AGAP9: variants seen among roughly 807,000 people sequenced by gnomAD.
The protein encoded by AGAP9 is ArfGAP with GTPase domain, ankyrin repeat and PH domain 9.
In AGAP9, 23 loss-of-function variants were observed where a neutral mutation model predicts 55.6. That is an observed-to-expected ratio of 0.41 (90% confidence interval 0.30 to 0.59). AGAP9 has a LOEUF of 0.59. Ranked by LOEUF, AGAP9 falls within the 20% of genes least tolerant of loss-of-function variation. AGAP9 has a pLI of 0.25. For synonymous variants in AGAP9, 120 were observed against 305.0 expected, an observed-to-expected ratio of 0.39 and a Z score of 6.32; for missense variants, 309 against 808.1, an observed-to-expected ratio of 0.38 and a Z score of 7.49.
chr10:47,509,236 T>C (rs1162990849), intron 5 of AGAP9, among the ~76,000 whole-genome samples: 2 of 116,008 alleles, frequency 1.7e-5, no homozygotes, highest in Non-Finnish European at 3.4e-5. Flanking sequence ...CTAGTCAAAG[T>C]AATTTTTGTG....
intron 4 of AGAP9, among the ~76,000 whole-genome samples, chr10:47,511,309 T>C (rs1840619159): frequency 7.0e-6 from 1 of 142,646 alleles, no homozygotes; most frequent in Non-Finnish European, 1.5e-5. Flanking sequence ...GAGCACTTTA[T>C]TGCAGTGAAT....
In AGAP9 at chr10:47,502,522, C is replaced by T; in HGVS notation, c.1607G>A (p.Gly536Asp). The T allele has an allele frequency of 1.2e-6, 2 of 1,613,086 alleles. No individual in the cohort carries two copies. The highest frequency in any genetic ancestry group is 1.1e-5 in the South Asian group (1 of 91,060). ...VELRKVMSSI[G>D]NELANSIWEG... Reference sequence around the variant, plus strand: ...CCAGATGCTGTTGGCTAGCTCATTGCCAATAGATGACATAACCTTCCTGAG... The same window carrying T: ...CCAGATGCTGTTGGCTAGCTCATTGTCAATAGATGACATAACCTTCCTGAG... The change falls in exon 8 of 8, where the codon GGC becomes GAC. Residue 536 changes from glycine (G) to aspartate (D), a missense_variant. Coordinates refer to ENST00000452145, the MANE Select transcript of AGAP9 (RefSeq NM_001190810.1).
chr10:47,503,740 A>G (rs1325591676), intron 7 of AGAP9, among the ~76,000 whole-genome samples, 197 bp from the exon 8 acceptor site: 3 of 131,192 alleles, frequency 2.3e-5, no homozygotes, highest in Non-Finnish European at 3.1e-5. Flanking sequence ...CCTGGCCAAC[A>G]TGGTGAAACC....
intron 2 of AGAP9, among the ~76,000 whole-genome samples, chr10:47,521,181 C>T (rs1318858222): frequency 7.9e-6 from 1 of 127,036 alleles, no homozygotes; most frequent in East Asian, 3.3e-4. Flanking sequence ...GTGAGACATA[C>T]ATAAACTGTG....
At chr10:47,504,846 CTTTTTT>C (rs59529030) in intron 6 of AGAP9, among the ~76,000 whole-genome samples, 2 of 46,840 alleles carry the variant, frequency 4.3e-5, no homozygotes, top group East Asian at 1.1e-3. Context: ...CATAACTGTT[CTTTTTT>C]TTTTTTTTTT....
chr10:47,522,430 T>C (rs1160625505), intron 2 of AGAP9, among the ~76,000 whole-genome samples: 1 of 150,360 alleles, frequency 6.7e-6, no homozygotes, highest in Non-Finnish European at 1.5e-5. Flanking sequence ...ACAACCATTT[T>C]TCTGCAGCCC....
intron 6 of AGAP9, among the ~76,000 whole-genome samples, chr10:47,504,769 G>A (rs1296452909): frequency 7.2e-6 from 1 of 139,772 alleles, no homozygotes; most frequent in African/African-American, 2.7e-5. Flanking sequence ...ATAAACCAGT[G>A]GTTCTCCAAA....
intron 4 of AGAP9, among the ~76,000 whole-genome samples, chr10:47,514,313 C>G (rs1295271706): frequency 6.7e-6 from 1 of 150,148 alleles, no homozygotes; most frequent in East Asian, 2.0e-4. Context: ...TCATGGCATT[C>G]CCAGCAACCT....
rs1840540562 is a variant in AGAP9, at chr10:47,508,945, T to C, written c.497+1226A>G. On this transcript the variant is annotated intron_variant, in intron 5 of 7. Transcript: ENST00000452145. ...CCACTGACAACAGTGCACTACTGAT[T>C]CATGATAAAACATTTTTCAATATAT... Among the ~76,000 whole-genome samples the C allele has an allele frequency of 9.3e-5, 12 of 129,396 alleles. 3 individuals carry two copies. In the South Asian group the frequency reaches 2.8e-3, roughly 30 times the overall value. The allele number at this position is 129,396 out of a possible 152,430, so 84.9% of individuals were successfully genotyped here.
Position 47,502,245 on chromosome 10 carries a change from G to T in AGAP9, c.1884C>A (p.Leu628=), listed in dbSNP as rs1424908160. Residue 628 remains leucine, a synonymous_variant, in exon 8 of 8, where the codon CTC becomes CTA. Coordinates refer to ENST00000452145, the MANE Select transcript of AGAP9 (RefSeq NM_001190810.1). ...CATTCCCCTTGCGGCAGGCCAGATG[G>T]AGTGCCGTGCAGCCGTCTCCCTCCC... is the stretch of plus-strand genomic sequence containing the variant. ...TCGEGDGCTA[L]HLACRKGNVV... 1 of 1,592,272 alleles carries T rather than the reference G, an allele frequency of 6.3e-7. No individual in the cohort carries two copies. The highest frequency in any genetic ancestry group is 1.7e-5 in the Admixed American group (1 of 58,304).
intron 5 of AGAP9, among the ~76,000 whole-genome samples, chr10:47,509,144 C>T (rs1840545745): frequency 7.4e-6 from 1 of 135,298 alleles, no homozygotes; most frequent in Non-Finnish European, 1.5e-5. Context: ...AAATTAGTTT[C>T]AGCAAAATTA....
rs1215347083 is a variant in AGAP9, at chr10:47,502,146, C to T, written c.*6G>A. On this transcript the variant is annotated 3_prime_UTR_variant, in exon 8 of 8. Coordinates refer to ENST00000452145, the MANE Select transcript of AGAP9 (RefSeq NM_001190810.1). ...CACTCCTGGCTGGAGGCCTGCCGGGCGTAGGTCAGCGCTGTGTTCCCGTGG... is the reference window on the plus strand; with the variant it reads ...CACTCCTGGCTGGAGGCCTGCCGGGTGTAGGTCAGCGCTGTGTTCCCGTGG... 7.6e-6 allele frequency: 12 copies of T among 1,569,698 alleles called. 1 individual carries two copies. The highest frequency in any genetic ancestry group is 6.7e-5 in the South Asian group (6 of 89,376).
intron 4 of AGAP9, among the ~76,000 whole-genome samples, chr10:47,516,829 A>G (rs1840726180): frequency 7.7e-6 from 1 of 129,556 alleles, no homozygotes; most frequent in Non-Finnish European, 1.5e-5. Flanking sequence ...AAATGAATAT[A>G]GTCAGAAAAT....
chr10:47,520,972 A>T (rs71247296), intron 2 of AGAP9, among the ~76,000 whole-genome samples: 1,342 of 91,396 alleles, frequency 0.015, no homozygotes, highest in African/African-American at 0.034. Flanking sequence ...AAAATATAAG[A>T]TGTATTCTAG....
At position 47,519,350 on chromosome 10, in the gene AGAP9, C is replaced by T. The variant is rs1455629641; in HGVS notation, c.361+1149G>A. Reference sequence around the variant, plus strand: ...AGGTGTTATGGTGCCCACCTATAGTCCCAACTACTCGGGAGGCTGAGGCAG... The same window carrying T: ...AGGTGTTATGGTGCCCACCTATAGTTCCAACTACTCGGGAGGCTGAGGCAG... On this transcript the variant is annotated intron_variant, in intron 3 of 7. Coordinates refer to ENST00000452145, the MANE Select transcript of AGAP9 (RefSeq NM_001190810.1). 6.1e-5 allele frequency among the ~76,000 whole-genome samples: 7 copies of T among 114,510 alleles called. 3 individuals are homozygous for T. In the East Asian group the frequency reaches 3.3e-3, roughly 54 times the overall value. The allele number at this position is 114,510 out of a possible 152,430, so 75.1% of individuals were successfully genotyped here. A position where few individuals can be genotyped will look rare whatever the true frequency, so the allele number is the denominator to read the frequency against.
In AGAP9 at chr10:47,510,146, C is replaced by T. The variant is rs1325175464; in HGVS notation, c.497+25G>A. On this transcript the variant is annotated intron_variant, in intron 5 of 7. Transcript: ENST00000452145. ...ATAATTTCCGAATAAAGGAATCTGTCCCTCGGCAGCATAGTTGTACTCACG... is the reference window on the plus strand; with the variant it reads ...ATAATTTCCGAATAAAGGAATCTGTTCCTCGGCAGCATAGTTGTACTCACG... 3.4e-5 allele frequency: 40 copies of T among 1,169,282 alleles called. 4 individuals carry two copies. Among genetic ancestry groups the T allele is most frequent in the Non-Finnish European group, 4.7e-5 (40 of 853,624 alleles). 72.4% of individuals were successfully genotyped at this position (1,169,282 alleles called of 1,614,324 possible). A position where few individuals can be genotyped will look rare whatever the true frequency, so the allele number is the denominator to read the frequency against.
At chr10:47,509,047 T>A (rs1380368728) in intron 5 of AGAP9, among the ~76,000 whole-genome samples, 1 of 135,552 alleles carries the variant, frequency 7.4e-6, no homozygotes, top group Non-Finnish European at 1.5e-5. Context: ...AAATGATTAT[T>A]TCTCAAACTT....
chr10:47,504,846 CTTTTTTTTTTTTTTTTTTT>C (rs59529030), intron 6 of AGAP9, among the ~76,000 whole-genome samples: 1 of 46,850 alleles, frequency 2.1e-5, no homozygotes, highest in Admixed American at 2.4e-4. Flanking sequence ...CATAACTGTT[CTTTTTTTTTTTTTTTTTTT>C]TTTTTTTTGA....
Position 47,518,578 on chromosome 10 carries a change from AT to A in AGAP9, c.362-722del, listed in dbSNP as rs1368836264. On this transcript the variant is annotated intron_variant, in intron 3 of 7. Coordinates refer to ENST00000452145, the MANE Select transcript of AGAP9 (RefSeq NM_001190810.1). ...AGGCACGTGCCACCATGCCTAGCTA[AT>A]TTTTTTTTGTATTTTTAGTAGAGAC... 4.3e-5 allele frequency among the ~76,000 whole-genome samples: 5 copies of A among 116,458 alleles called. No individual in the cohort carries two copies. The South Asian group carries it at 1.1e-3, about 26-fold the overall frequency. The allele number at this position is 116,458 out of a possible 152,430, so 76.4% of individuals were successfully genotyped here. A position where few individuals can be genotyped will look rare whatever the true frequency, so the allele number is the denominator to read the frequency against.
Sources: gnomAD v4.1 joint callset for allele counts (sites outside exome capture counted in the v4.1 genomes callset) on GRCh38, gnomAD v4.1.1 for gene constraint, MANE v1.5 for transcripts, NCBI Gene and HGNC (gene_info 2026-07-23, HGNC 2026-07-21) for gene names.